Variants in AKR1E2 observed in about 807,000 individuals in gnomAD.
The protein encoded by AKR1E2 is aldo-keto reductase family 1 member E2.
In AKR1E2, 43 loss-of-function variants were observed where a neutral mutation model predicts 41.9. That is an observed-to-expected ratio of 1.03 (90% confidence interval 0.80 to 1.32). The LOEUF is 1.32. Among genes scored for constraint, AKR1E2 ranks in the 40% most tolerant of loss-of-function variants. The pLI is 0.00. For synonymous variants in AKR1E2, 121 were observed against 138.9 expected, an observed-to-expected ratio of 0.87 and a Z score of 0.91; for missense variants, 423 against 396.5, an observed-to-expected ratio of 1.07 and a Z score of -0.57.
the AKR1E2 span, among the ~76,000 whole-genome samples, chr10:4,856,925 A>G: frequency 2.6e-5 from 4 of 152,260 alleles, no homozygotes; most frequent in Admixed American, 1.3e-4. Context: ...TTGTGCAACC[A>G]TCACCATCAT....
At chr10:4,842,057 G>A (rs763174300) in intron 7 of AKR1E2, among the ~76,000 whole-genome samples, 200 bp downstream of exon 7, 9 of 152,134 alleles carry the variant, frequency 5.9e-5, no homozygotes, top group African/African-American at 9.7e-5. Context: ...TCTTGCCTCC[G>A]AGCCTGTCTA....
At chr10:4,854,382 G>T in the AKR1E2 span, among the ~76,000 whole-genome samples, 2 of 152,020 alleles carry the variant, frequency 1.3e-5, no homozygotes, top group Non-Finnish European at 2.9e-5. Flanking sequence ...ATGAGCCACC[G>T]CACCTGGCCT....
chr10:4,839,784 G>A lies in AKR1E2; in HGVS notation c.638G>A (p.Arg213Lys), dbSNP rs1484906773. 6.2e-7 allele frequency: 1 copy of A among 1,614,144 alleles called. No homozygotes were observed. Among genetic ancestry groups the A allele is most frequent in the East Asian group, 2.2e-5 (1 of 44,880 alleles). The stretch of plus-strand genomic sequence containing the variant: ...AATCTGATCAGTTTTTGCCAATCCA[G>A]AGATGTGTCCGTGACTGCTTACCGT... Reference protein sequence around the residue: ...QKNLISFCQSRDVSVTAYRPL... With the variant: ...QKNLISFCQSKDVSVTAYRPL... The change falls in exon 6 of 10, where the codon AGA (arginine) becomes AAA (lysine). Residue 213 changes from arginine to lysine, a missense_variant. Arg to Lys is a conservative substitution (Grantham distance 26). Transcript: ENST00000298375.
intron 3 of AKR1E2, 81 bp downstream of exon 3, chr10:4,833,547 G>A (rs1426976366): frequency 1.7e-6 from 2 of 1,180,816 alleles, no homozygotes; most frequent in East Asian, 2.4e-5. Flanking sequence ...GGTGGGGAGA[G>A]CATGGACCAG....
At chr10:4,850,807 C>A (rs1305670554), downstream of AKR1E2, among the ~76,000 whole-genome samples, 1 of 152,182 alleles carries the variant, frequency 6.6e-6, no homozygotes, top group African/African-American at 2.4e-5. Context: ...TGTGCACAAT[C>A]TTGGAACTGT....
chr10:4,842,470 C>T lies in AKR1E2; in HGVS notation c.803C>T (p.Ser268Phe). Residue 268 changes from serine (S) to phenylalanine (F), a missense_variant, in exon 8 of 10, where the codon TCT becomes TTT. Physicochemically the swap from Ser to Phe is radical, Grantham distance 155 (BLOSUM62 -2). Coordinates refer to ENST00000298375, the MANE Select transcript of AKR1E2 (RefSeq NM_001040177.3). ...IQRNVIVIPG[S>F]ITPSHIKENI... ...AGGAATGTGATAGTGATCCCCGGAT[C>T]TATCACCCCAAGTCACATTAAAGAG... 6.2e-7 allele frequency: 1 copy of T among 1,614,182 alleles called. No individual in the cohort carries two copies. The highest frequency in any genetic ancestry group is 1.3e-5 in the African/African-American group (1 of 75,058).
chr10:4,842,594 C>T (rs1049709119), intron 8 of AKR1E2, 90 bp downstream of exon 8: 69 of 1,184,982 alleles, frequency 5.8e-5, no homozygotes, highest in South Asian at 1.2e-4. Context: ...CTCAGGGTTG[C>T]GGAGCTTGAT....
chr10:4,845,846 G>T, intron 8 of AKR1E2: 1 of 470,838 alleles, frequency 2.1e-6, no homozygotes. Flanking sequence ...CGTGAGACCT[G>T]AGGGCCAAAG....
the AKR1E2 span, among the ~76,000 whole-genome samples, chr10:4,855,278 G>T: frequency 6.6e-6 from 1 of 152,158 alleles, no homozygotes. Context: ...GATTTGTGAG[G>T]CTAGTCATAA....
At chr10:4,864,771 C>G in the AKR1E2 span, among the ~76,000 whole-genome samples, 1 of 152,172 alleles carries the variant, frequency 6.6e-6, no homozygotes, top group Non-Finnish European at 1.5e-5. Context: ...TCTCAGGATA[C>G]AAAATCAATG....
intron 8 of AKR1E2, among the ~76,000 whole-genome samples, chr10:4,846,899 A>G (rs1429814547): frequency 1.3e-5 from 2 of 152,196 alleles, no homozygotes; most frequent in African/African-American, 2.4e-5. Context: ...TGAGTGCAGT[A>G]TATATTTCCA....
At chr10:4,870,636 A>T in the AKR1E2 span, among the ~76,000 whole-genome samples, 1 of 150,390 alleles carries the variant, frequency 6.6e-6, no homozygotes, top group African/African-American at 2.5e-5. Flanking sequence ...GTTTGATGAT[A>T]AACTCACAAT....
At position 4,847,998 on chromosome 10, in the gene AKR1E2, G is replaced by A. The variant is rs905460190; in HGVS notation, c.*468G>A. ...AGTCCTTCCCTTCCCCCAGTGAGAA[G>A]GAAAATGGGATAAGTCTGGGACACT... On this transcript the variant is annotated 3_prime_UTR_variant, in exon 10 of 10. Transcript: ENST00000298375. 6.4e-6 allele frequency: 1 copy of A among 155,782 alleles called. No homozygotes were observed. Among genetic ancestry groups the A allele is most frequent in the African/African-American group, 2.4e-5 (1 of 41,478 alleles). The allele number at this position is 155,782 out of a possible 1,614,324, so 9.6% of individuals were successfully genotyped here. A position where few individuals can be genotyped will look rare whatever the true frequency, so the allele number is the denominator to read the frequency against.
At chr10:4,825,162 CA>C (rs1832379232), upstream of AKR1E2, 1 of 349,788 alleles carries the variant, frequency 2.9e-6, no homozygotes, top group African/African-American at 2.1e-5. Flanking sequence ...GGGTGGGAGG[CA>C]GGGGGACACC....
intron 2 of AKR1E2, 57 bp from the exon 3 acceptor site, chr10:4,833,292 TG>T: frequency 7.4e-7 from 1 of 1,357,134 alleles, no homozygotes; most frequent in Non-Finnish European, 1.1e-6. Context: ...GGCTACAGAA[TG>T]GGTGCCATGC....
At chr10:4,869,742 C>G in the AKR1E2 span, among the ~76,000 whole-genome samples, 775 of 152,042 alleles carry the variant, frequency 5.1e-3, 9 homozygotes, top group African/African-American at 0.018. Context: ...TTATTTCGCT[C>G]AAGACTTCCT....
downstream of AKR1E2, among the ~76,000 whole-genome samples, chr10:4,850,953 C>T (rs1834515606): frequency 1.3e-5 from 2 of 152,204 alleles, no homozygotes; most frequent in African/African-American, 4.8e-5. Context: ...GCACCTTAAA[C>T]TTTATGTGTC....
intron 3 of AKR1E2, among the ~76,000 whole-genome samples, chr10:4,834,138 C>G (rs970327562): frequency 6.6e-6 from 1 of 152,224 alleles, no homozygotes; most frequent in Non-Finnish European, 1.5e-5. Context: ...GGGCAAGGGC[C>G]TGATCACACA....
At chr10:4,843,857 T>G (rs943260720) in intron 8 of AKR1E2, among the ~76,000 whole-genome samples, 1 of 152,198 alleles carries the variant, frequency 6.6e-6, no homozygotes, top group Non-Finnish European at 1.5e-5. Context: ...CGTCCTGCTC[T>G]TTGAATGGCC....
Sources: allele counts gnomAD v4.1 joint callset (sites outside exome capture counted in the v4.1 genomes callset), GRCh38; gene constraint gnomAD v4.1.1; transcripts MANE v1.5; gene names NCBI Gene and HGNC (gene_info 2026-07-23, HGNC 2026-07-21).